The following SQLE variants were observed in gnomAD, a reference collection of about 807,000 sequenced individuals.
The protein encoded by SQLE is squalene monooxygenase.
A neutral mutation model predicts 60.7 loss-of-function variants in SQLE; 29 were observed. The observed-to-expected ratio is 0.48, with a 90% confidence interval of 0.36 to 0.65. The LOEUF (loss-of-function observed/expected upper bound fraction) is 0.65, where lower values mean the gene tolerates loss of function less well. Ranked by LOEUF, SQLE falls within the 30% of genes least tolerant of loss-of-function variation. The pLI, the probability that SQLE is intolerant of heterozygous loss-of-function variation, is 0.00. For synonymous variants in SQLE, 237 were observed against 246.8 expected (o/e 0.96, Z 0.37); for missense variants, 605 against 684.1 (o/e 0.88, Z 1.29).
rs959827726 is a variant in SQLE at position 125,016,016 on chromosome 8, G to T, written c.1205-2043G>T. On this transcript the variant is annotated intron_variant, in intron 7 of 10. Coordinates refer to ENST00000265896, the MANE Select transcript of SQLE (RefSeq NM_003129.4). This position sits in a 1 kb window ranked among gnomAD's most constrained non-coding sequence, Gnocchi z 4.1. ...GTTTCCTTTCTCTTGTTGCTCTTAG[G>T]ATCTTTTCTATATCCTTGACCTTTG... Among the ~76,000 whole-genome samples, 1 of 152,016 alleles carries T rather than the reference G, an allele frequency of 6.6e-6. No homozygotes were observed. Among genetic ancestry groups the T allele is most frequent in the Non-Finnish European group, 1.5e-5 (1 of 68,012 alleles).
chr8:125,005,320 C>T (rs1205046344), intron 2 of SQLE, among the ~76,000 whole-genome samples: 1 of 152,128 alleles, frequency 6.6e-6, no homozygotes, highest in African/African-American at 2.4e-5. Context: ...ATGTTGTTAT[C>T]TTTAAATGAT....
chr8:125,018,656 G>C lies in SQLE; in HGVS notation c.1373G>C (p.Arg458Thr), dbSNP rs1471656048. The stretch of plus-strand genomic sequence containing the variant: ...GCCAAAAAATCATTTTACTGGGCAA[G>C]AAAAACATCTCATTCCTTTGTCGTG... The part of the protein sequence containing the change: ...FEAKKSFYWA[R>T]KTSHSFVVNI... Residue 458 changes from arginine to threonine, a missense_variant, in exon 9 of 11, where the codon AGA becomes ACA. Arg to Thr is a moderately conservative substitution (Grantham distance 71). Coordinates refer to ENST00000265896, the MANE Select transcript of SQLE (RefSeq NM_003129.4). The C allele has an allele frequency of 1.9e-6, 3 of 1,602,070 alleles. No individual in the cohort carries two copies. The highest frequency in any genetic ancestry group is 2.5e-6 in the Non-Finnish European group (3 of 1,176,880).
chr8:125,018,119 CTG>C lies in SQLE; in HGVS notation c.1267_1268del (p.Val423CysfsTer3). Reference sequence around the variant, plus strand: ...CATCCACTTACTGGTGGAGGAATGACTGTTGCTTTTAAAGATATAAAACTATG... The same window carrying C: ...CATCCACTTACTGGTGGAGGAATGACTTGCTTTTAAAGATATAAAACTATG... On this transcript the variant is annotated frameshift_variant, in exon 8 of 11. Transcript: ENST00000265896. LOFTEE classifies it high-confidence loss of function. 1 of 1,613,860 alleles carries C rather than the reference CTG, an allele frequency of 6.2e-7. No individual in the cohort carries two copies. The highest frequency in any genetic ancestry group is 8.5e-7 in the Non-Finnish European group (1 of 1,179,814).
chr8:125,009,041 A>G lies in SQLE; in HGVS notation c.893A>G (p.Asn298Ser), dbSNP rs199727991. The G allele has an allele frequency of 1.3e-4, 203 of 1,603,838 alleles. No homozygotes were observed. The African/African-American group carries it at 2.3e-3, about 18-fold the overall frequency. ...AAGTTCAGGAAAAGCCTGGTCTCCA[A>G]TAAAGTTTCTGTATCATCTCATTTT... ...FSKFRKSLVSNKVSVSSHFVG... is the reference protein window; with the variant it reads ...FSKFRKSLVSSKVSVSSHFVG... The change falls in exon 5 of 11, where the codon AAT becomes AGT. Residue 298 changes from asparagine (N) to serine (S), a missense_variant. Physicochemically the swap from Asn to Ser is conservative, Grantham distance 46. Transcript: ENST00000265896.
In SQLE at chr8:125,003,433, GT is replaced by G; in HGVS notation, c.544+7del. 1 of 1,613,144 alleles carries G rather than the reference GT, an allele frequency of 6.2e-7. No homozygotes were observed. The highest frequency in any genetic ancestry group is 8.5e-7 in the Non-Finnish European group (1 of 1,179,322). ...TCAAAGACCTTGGTCTTGGAGGTAG[GT>G]TCATATTGATTTTCAGGAGAGTTAC... On this transcript the variant is annotated splice_donor_region_variant and intron_variant, in intron 2 of 10. Transcript: ENST00000265896.
At chr8:125,020,578 G>GA (rs1007175674) in intron 9 of SQLE, among the ~76,000 whole-genome samples, 1 of 152,144 alleles carries the variant, frequency 6.6e-6, no homozygotes, top group African/African-American at 2.4e-5. Flanking sequence ...TTTACTAACA[G>GA]AAAAAAGTTT....
At chr8:125,005,968 G>A (rs1024913184) in intron 3 of SQLE, among the ~76,000 whole-genome samples, 5 of 152,048 alleles carry the variant, frequency 3.3e-5, no homozygotes, top group African/African-American at 1.2e-4. Flanking sequence ...TTTATGTGAC[G>A]GGAATTTAGA....
intron 1 of SQLE, among the ~76,000 whole-genome samples, chr8:125,001,382 C>T (rs1010347920): frequency 6.6e-6 from 1 of 151,538 alleles, no homozygotes; most frequent in Non-Finnish European, 1.5e-5. Context: ...CTACTAAGTT[C>T]CCATTAGTGC....
At chr8:125,004,717 G>T in intron 2 of SQLE, among the ~76,000 whole-genome samples, 1 of 151,760 alleles carries the variant, frequency 6.6e-6, no homozygotes, top group Admixed American at 6.6e-5. Context: ...ATATATACAT[G>T]TATTAATCTT....
chr8:125,002,103 G>A (rs1375525280), intron 1 of SQLE, among the ~76,000 whole-genome samples: 3 of 152,088 alleles, frequency 2.0e-5, no homozygotes, highest in Admixed American at 6.5e-5. Flanking sequence ...CCTTTTTTGG[G>A]GACCACCTCT....
At chr8:125,006,594 C>T (rs1244189321) in intron 3 of SQLE, among the ~76,000 whole-genome samples, 1 of 145,280 alleles carries the variant, frequency 6.9e-6, no homozygotes, top group Admixed American at 6.9e-5. Context: ...GCACTCCAGC[C>T]TGGGCGACAG....
chr8:125,018,623 T>C lies in SQLE; in HGVS notation c.1348-8T>C. The C allele has an allele frequency of 6.3e-7, 1 of 1,588,062 alleles. No homozygotes were observed. The highest frequency in any genetic ancestry group is 8.6e-7 in the Non-Finnish European group (1 of 1,167,784). On this transcript the variant is annotated splice_polypyrimidine_tract_variant and splice_region_variant and intron_variant, in intron 8 of 10. Coordinates refer to ENST00000265896, the MANE Select transcript of SQLE (RefSeq NM_003129.4). ...TACCATATAATAAATGAGCTATTTC[T>C]TTTTTAGGCCAAAAAATCATTTTAC... is the stretch of plus-strand genomic sequence containing the variant.
intron 7 of SQLE, among the ~76,000 whole-genome samples, chr8:125,012,246 T>A (rs1815049642): frequency 6.6e-6 from 1 of 152,192 alleles, no homozygotes. Flanking sequence ...TTGAAGTGTT[T>A]TCTTGTTACT....
At chr8:125,008,560 C>A (rs774231866) in intron 4 of SQLE, among the ~76,000 whole-genome samples, 1 of 152,196 alleles carries the variant, frequency 6.6e-6, no homozygotes, top group Non-Finnish European at 1.5e-5. Context: ...TACAAAAATT[C>A]TTCTAAGCCC....
At chr8:125,012,682 T>C (rs894674841) in intron 7 of SQLE, among the ~76,000 whole-genome samples, 2 of 152,260 alleles carry the variant, frequency 1.3e-5, no homozygotes, top group Admixed American at 1.3e-4. Context: ...GGGTTGTTTC[T>C]ACTTTTTGGT....
At chr8:125,018,928 G>A (rs1258504946) in intron 9 of SQLE, 1 of 529,378 alleles carries the variant, frequency 1.9e-6, no homozygotes, top group Non-Finnish European at 3.3e-6. Flanking sequence ...AATTTCCTTA[G>A]ACAACATTAA....
In SQLE at chr8:125,007,358, T is replaced by C. The variant is rs985919470; in HGVS notation, c.726-33T>C. The C allele has an allele frequency of 3.5e-6, 5 of 1,448,526 alleles. No homozygotes were observed. In the African/African-American group the frequency reaches 7.1e-5, roughly 21 times the overall value. 89.7% of individuals were successfully genotyped at this position (1,448,526 alleles called of 1,614,324 possible). A position where few individuals can be genotyped will look rare whatever the true frequency, so the allele number is the denominator to read the frequency against. On this transcript the variant is annotated intron_variant, in intron 3 of 10. Coordinates refer to ENST00000265896, the MANE Select transcript of SQLE (RefSeq NM_003129.4). Reference sequence around the variant, plus strand: ...TTTAATTTAAATTGCTGAAATGTGCTGCTTTAGAAATGTATTTTTTTTTAT... The same window carrying C: ...TTTAATTTAAATTGCTGAAATGTGCCGCTTTAGAAATGTATTTTTTTTTAT...
rs759188320 is a variant in SQLE, at chr8:125,005,652, C to T, written c.672C>T (p.Phe224=). ...ENNQVQSGRA[F]HHGRFIMSLR... ...ATCAAGTGCAGAGTGGAAGAGCTTT[C>T]CATCACGGAAGATTCATCATGAGTC... The change falls in exon 3 of 11, where the codon TTC becomes TTT. Residue 224 remains phenylalanine, a synonymous_variant. Transcript: ENST00000265896. 28 of 1,606,788 alleles carry T rather than the reference C, an allele frequency of 1.7e-5. No individual in the cohort carries two copies. Among genetic ancestry groups the T allele is most frequent in the Non-Finnish European group, 2.4e-5 (28 of 1,175,376 alleles).
chr8:125,001,414 G>A (rs1229864528), intron 1 of SQLE, among the ~76,000 whole-genome samples: 1 of 151,392 alleles, frequency 6.6e-6, no homozygotes, highest in Non-Finnish European at 1.5e-5. Flanking sequence ...ATCAGGCTCT[G>A]CAAGGCCTGT....
Sources: allele counts gnomAD v4.1 joint callset (sites outside exome capture counted in the v4.1 genomes callset), GRCh38; gene constraint gnomAD v4.1.1; non-coding constraint Gnocchi (gnomAD v3.1); transcripts MANE v1.5; gene names NCBI Gene and HGNC (gene_info 2026-07-23, HGNC 2026-07-21).